The following RHOBTB1 variants were observed in gnomAD, a reference collection of about 807,000 sequenced individuals.
The protein encoded by RHOBTB1 is Rho related BTB domain containing 1.
Under a neutral mutation model 71.6 loss-of-function variants are expected in RHOBTB1, and 40 were observed. The observed-to-expected ratio is 0.56, with a 90% CI of 0.43 to 0.73. The LOEUF (loss-of-function observed/expected upper bound fraction) is 0.73. Ranked by LOEUF, RHOBTB1 falls within the 30% of genes least tolerant of loss-of-function variation. The pLI is 0.00. For synonymous variants in RHOBTB1, 319 were observed against 334.9 expected, an observed-to-expected ratio of 0.95 and a Z score of 0.52; for missense variants, 797 against 894.0, an observed-to-expected ratio of 0.89 and a Z score of 1.38.
At chr10:60,927,992 T>C (rs560933765) in intron 2 of RHOBTB1, among the ~76,000 whole-genome samples, 11 of 150,600 alleles carry the variant, frequency 7.3e-5, no homozygotes, top group Admixed American at 2.0e-4. Context: ...AGAAAAAAAA[T>C]CCAATTTAAA....
In RHOBTB1 at chr10:60,911,369, C is replaced by T; in HGVS notation, c.174G>A (p.Gln58=). 1.2e-6 allele frequency: 2 copies of T among 1,613,586 alleles called. No homozygotes were observed. The highest frequency in any genetic ancestry group is 8.5e-7 in the Non-Finnish European group (1 of 1,179,598). ...ATCTTACCTCCTGGCACACGCGGTA[C>T]TGGTCAATCGCCCACACTGTTGGCA... ...THVPTVWAID[Q]YRVCQEVLER... The change falls in exon 3 of 11, where the codon CAG becomes CAA. Residue 58 remains glutamine (Q), a synonymous_variant. Coordinates refer to ENST00000337910, the MANE Select transcript of RHOBTB1 (RefSeq NM_014836.5).
intron 2 of RHOBTB1, among the ~76,000 whole-genome samples, chr10:60,963,665 A>G (rs1256417530): frequency 1.3e-5 from 2 of 152,184 alleles, no homozygotes; most frequent in Non-Finnish European, 2.9e-5. Context: ...AAAGATATCC[A>G]AAGCATTTGT....
chr10:60,871,933 C>G (rs7920871), intron 10 of RHOBTB1: 2 of 610,162 alleles, frequency 3.3e-6, no homozygotes, highest in African/African-American at 3.7e-5. Context: ...AAGGCCACCA[C>G]CTCTGCACTC....
At chr10:60,947,276 G>A (rs189195662), upstream of RHOBTB1, among the ~76,000 whole-genome samples, 4 of 152,082 alleles carry the variant, frequency 2.6e-5, 1 homozygote, top group East Asian at 7.7e-4. Context: ...ATAAAAAATG[G>A]TACCTAAATG....
chr10:60,966,165 A>G (rs1435670798), intron 2 of RHOBTB1, among the ~76,000 whole-genome samples: 2 of 152,148 alleles, frequency 1.3e-5, no homozygotes, highest in Non-Finnish European at 2.9e-5. Flanking sequence ...CAAAAATTCT[A>G]AACATACCAA....
Position 60,920,917 on chromosome 10 carries a change from A to C in RHOBTB1, c.-10-9365T>G, listed in dbSNP as rs1284477690. On this transcript the variant is annotated intron_variant, in intron 2 of 10. Transcript: ENST00000337910. ...AGCGATCCTCCCACCTTGGCCTCCC[A>C]AAATGCTGGGATTACAGGACTGATT... is the stretch of plus-strand genomic sequence containing the variant. 5.3e-5 allele frequency among the ~76,000 whole-genome samples: 8 copies of C among 151,184 alleles called. 1 individual carries two copies. The highest frequency in any genetic ancestry group is 1.9e-4 in the East Asian group (1 of 5,134).
chr10:60,932,557 T>C (rs1366368953), intron 2 of RHOBTB1, among the ~76,000 whole-genome samples: 1 of 144,634 alleles, frequency 6.9e-6, no homozygotes, highest in Non-Finnish European at 1.5e-5. Flanking sequence ...ACCCTACACA[T>C]GGATTTTGGA....
chr10:60,887,961 G>A (rs2081671130), intron 6 of RHOBTB1, among the ~76,000 whole-genome samples: 1 of 152,122 alleles, frequency 6.6e-6, no homozygotes, highest in African/African-American at 2.4e-5. Flanking sequence ...TATTGCTGGT[G>A]TGACCATGGG....
chr10:60,928,732 T>C (rs1376219467), intron 2 of RHOBTB1, among the ~76,000 whole-genome samples: 1 of 152,128 alleles, frequency 6.6e-6, no homozygotes, highest in Non-Finnish European at 1.5e-5. Flanking sequence ...GCAACTATAG[T>C]AAATTAACAA....
intron 3 of RHOBTB1, 43 bp downstream of exon 3, chr10:60,911,308 A>G (rs1335878558): frequency 6.5e-7 from 1 of 1,548,350 alleles, no homozygotes; most frequent in Non-Finnish European, 8.8e-7. Context: ...GCAACCAGCA[A>G]TGATGTGCCC....
At chr10:60,890,302 T>C (rs1030410166) in intron 5 of RHOBTB1, among the ~76,000 whole-genome samples, 6 of 152,022 alleles carry the variant, frequency 3.9e-5, no homozygotes, top group African/African-American at 1.4e-4. Flanking sequence ...TCACACCCAC[T>C]CCTCACATTT....
chr10:60,862,534 T>C, the RHOBTB1 span, among the ~76,000 whole-genome samples: 2,057 of 150,570 alleles, frequency 0.014, 25 homozygotes, highest in East Asian at 0.026. Context: ...CTCCCTTTCT[T>C]TCTCTTTCTT....
At chr10:60,867,730 A>C (rs1169738473), downstream of RHOBTB1, among the ~76,000 whole-genome samples, 3 of 152,252 alleles carry the variant, frequency 2.0e-5, no homozygotes, top group East Asian at 5.8e-4. Flanking sequence ...CCAATTTAGA[A>C]GCACTGTCAG....
At chr10:60,895,721 T>G (rs1234010567) in intron 4 of RHOBTB1, among the ~76,000 whole-genome samples, 1 of 152,274 alleles carries the variant, frequency 6.6e-6, no homozygotes, top group African/African-American at 2.4e-5. Context: ...ATATTTTAAG[T>G]ATCACAATGC....
chr10:60,891,968 C>T (rs561479091), intron 5 of RHOBTB1, among the ~76,000 whole-genome samples: 23 of 152,080 alleles, frequency 1.5e-4, no homozygotes, highest in Non-Finnish European at 3.1e-4. Flanking sequence ...AAAGGGCATC[C>T]GCCTTTGCTC....
chr10:60,962,230 C>A (rs181305156), intron 2 of RHOBTB1, among the ~76,000 whole-genome samples: 1 of 152,078 alleles, frequency 6.6e-6, no homozygotes, highest in South Asian at 2.1e-4. Context: ...ATGCAGCTAG[C>A]AGTCTGTAAT....
chr10:60,875,161 G>T, intron 8 of RHOBTB1, 119 bp from the exon 9 acceptor site: 1 of 702,912 alleles, frequency 1.4e-6, no homozygotes, highest in South Asian at 1.6e-5. Flanking sequence ...ACAGCTCTGG[G>T]CAGGCATCTG....
chr10:60,864,637 G>A (rs1005802259), downstream of RHOBTB1, among the ~76,000 whole-genome samples: 2 of 151,742 alleles, frequency 1.3e-5, no homozygotes, highest in African/African-American at 4.8e-5. Flanking sequence ...GGATTGTTAA[G>A]CCCATTTCTC....
intron 2 of RHOBTB1, among the ~76,000 whole-genome samples, chr10:60,971,412 T>G (rs540799422): frequency 1.3e-5 from 2 of 152,166 alleles, no homozygotes; most frequent in Admixed American, 6.6e-5. Context: ...CCATCTGATC[T>G]TTGACAAACC....
Sources: allele counts gnomAD v4.1 joint callset (sites outside exome capture counted in the v4.1 genomes callset), GRCh38; gene constraint gnomAD v4.1.1; transcripts MANE v1.5; gene names NCBI Gene and HGNC (gene_info 2026-07-23, HGNC 2026-07-21).